TAMM41: variants seen among roughly 807,000 people sequenced by gnomAD.
TAMM41 encodes TAM41 mitochondrial translocator assembly and maintenance homolog, also known as phosphatidate cytidylyltransferase, mitochondrial.
TAMM41 carries 36 observed loss-of-function variants against 44.1 expected under a neutral mutation model. That is an observed-to-expected ratio of 0.82 (90% confidence interval 0.63 to 1.08). The LOEUF is 1.08. TAMM41 is among the 50% of genes least tolerant of loss of function. The pLI is 0.00. For missense variants in TAMM41, 417 were observed against 404.3 expected, an observed-to-expected ratio of 1.03 and a Z score of -0.27; for synonymous variants, 164 against 153.1, an observed-to-expected ratio of 1.07 and a Z score of -0.53.
At chr3:11,779,721 T>G in the TAMM41 span, among the ~76,000 whole-genome samples, 1 of 152,206 alleles carries the variant, frequency 6.6e-6, no homozygotes, top group African/African-American at 2.4e-5. Context: ...ATCTATTAGC[T>G]GCCAATTCTC....
chr3:11,805,564 G>A (rs66512110), intron 7 of TAMM41, among the ~76,000 whole-genome samples: 1,628 of 152,272 alleles, frequency 0.011, 15 homozygotes, highest in South Asian at 0.022. Flanking sequence ...GAGCCACCAT[G>A]CCTGGCCTTG....
the TAMM41 span, among the ~76,000 whole-genome samples, chr3:11,774,759 T>G: frequency 3.9e-5 from 6 of 152,116 alleles, no homozygotes; most frequent in African/African-American, 1.4e-4. Flanking sequence ...CAACTTCACA[T>G]AGAAGAAGGA....
At chr3:11,752,728 T>C in the TAMM41 span, among the ~76,000 whole-genome samples, 1 of 142,776 alleles carries the variant, frequency 7.0e-6, no homozygotes, top group Non-Finnish European at 1.5e-5. Flanking sequence ...CAGCCTCCAA[T>C]TGCTGGGCTC....
At chr3:11,815,708 G>C (rs1345896166) in intron 5 of TAMM41, among the ~76,000 whole-genome samples, 2 of 151,588 alleles carry the variant, frequency 1.3e-5, no homozygotes, top group Non-Finnish European at 1.5e-5. Flanking sequence ...TATAAGAATT[G>C]ATGGGGTAGT....
At chr3:11,823,548 C>T (rs947407327) in intron 4 of TAMM41, among the ~76,000 whole-genome samples, 7 of 152,036 alleles carry the variant, frequency 4.6e-5, no homozygotes, top group African/African-American at 7.2e-5. Context: ...TGAGCCACTG[C>T]GCCCGGCCTT....
intron 7 of TAMM41, among the ~76,000 whole-genome samples, chr3:11,792,584 G>A (rs547359882): frequency 6.6e-5 from 10 of 152,174 alleles, no homozygotes; most frequent in Non-Finnish European, 1.3e-4. Context: ...AGAACCAACA[G>A]ATCAGAATGA....
At chr3:11,844,448 G>A (rs1371204563) in intron 1 of TAMM41, among the ~76,000 whole-genome samples, 1 of 152,160 alleles carries the variant, frequency 6.6e-6, no homozygotes, top group African/African-American at 2.4e-5. Flanking sequence ...AACACTTTAT[G>A]GGTAACATAC....
At chr3:11,751,453 C>T in the TAMM41 span, among the ~76,000 whole-genome samples, 17 of 152,126 alleles carry the variant, frequency 1.1e-4, no homozygotes, top group African/African-American at 2.2e-4. Flanking sequence ...TGATTTGGCC[C>T]CACGAATAGC....
the TAMM41 span, among the ~76,000 whole-genome samples, chr3:11,750,325 G>A: frequency 6.6e-6 from 1 of 151,944 alleles, no homozygotes; most frequent in East Asian, 1.9e-4. Context: ...ACCATTGAGG[G>A]ACAGGGCCTT....
rs532068131 is a variant in TAMM41, at chr3:11,829,101, T to C, written c.562+613A>G. Among the ~76,000 whole-genome samples, 5 of 152,288 alleles carry C rather than the reference T, an allele frequency of 3.3e-5. No homozygotes were observed. In the East Asian group the frequency reaches 7.7e-4, roughly 24 times the overall value. Reference sequence around the variant, plus strand: ...AGTTGTCTCAGTTTGGGACATAATATGTGTGACCTACCCTCAAACAGTTTA... The same window carrying C: ...AGTTGTCTCAGTTTGGGACATAATACGTGTGACCTACCCTCAAACAGTTTA... On this transcript the variant is annotated intron_variant, in intron 4 of 7. Coordinates refer to ENST00000455809, the MANE Select transcript of TAMM41 (RefSeq NM_001284401.2).
the TAMM41 span, among the ~76,000 whole-genome samples, chr3:11,727,066 C>G: frequency 4.6e-5 from 7 of 152,186 alleles, no homozygotes; most frequent in African/African-American, 1.7e-4. Context: ...GGAGCACTCA[C>G]TATGTTTCAG....
chr3:11,725,123 CCTCCTCTTCTCCTCT>C, the TAMM41 span: 2 of 149,608 alleles, frequency 1.3e-5, no homozygotes, highest in South Asian at 2.2e-4. Context: ...CCCTCCTCCC[CCTCCTCTTCTCCTCT>C]CTCCTCTTCT....
Position 11,846,678 on chromosome 3 carries a change from G to A in TAMM41, c.-42C>T, listed in dbSNP as rs11551660. On this transcript the variant is annotated 5_prime_UTR_variant, in exon 1 of 8. Transcript: ENST00000455809. Reference sequence around the variant, plus strand: ...GGGGACACTCAGCGCAGCAGGGCGAGGACAACCGGGCGGGGAACAGACACC... The same window carrying A: ...GGGGACACTCAGCGCAGCAGGGCGAAGACAACCGGGCGGGGAACAGACACC... 1 of 1,613,106 alleles carries A rather than the reference G, an allele frequency of 6.2e-7. No homozygotes were observed. Among genetic ancestry groups the A allele is most frequent in the Non-Finnish European group, 8.5e-7 (1 of 1,179,498 alleles).
chr3:11,774,757 C>T, the TAMM41 span, among the ~76,000 whole-genome samples: 1 of 152,258 alleles, frequency 6.6e-6, no homozygotes, highest in Middle Eastern at 3.4e-3. Context: ...TGCAACTTCA[C>T]ATAGAAGAAG....
chr3:11,804,075 A>T (rs1447869476), intron 7 of TAMM41, among the ~76,000 whole-genome samples: 2 of 152,170 alleles, frequency 1.3e-5, no homozygotes, highest in African/African-American at 4.8e-5. Flanking sequence ...TTAAAAATTA[A>T]AAAGAAAAAA....
At chr3:11,792,924 G>A (rs937214736) in intron 7 of TAMM41, among the ~76,000 whole-genome samples, 4 of 152,062 alleles carry the variant, frequency 2.6e-5, no homozygotes, top group Non-Finnish European at 5.9e-5. Flanking sequence ...AGCCAGGCGT[G>A]GTGGCATGTG....
the TAMM41 span, among the ~76,000 whole-genome samples, chr3:11,769,600 T>C: frequency 6.6e-6 from 1 of 152,218 alleles, no homozygotes; most frequent in African/African-American, 2.4e-5. Context: ...TGTGTTCTAA[T>C]GCACATGTAT....
chr3:11,818,552 A>C (rs2078377209), intron 4 of TAMM41, among the ~76,000 whole-genome samples: 1 of 152,174 alleles, frequency 6.6e-6, no homozygotes, highest in South Asian at 2.1e-4. Flanking sequence ...TCAAAGGACC[A>C]ACTTACACTA....
the TAMM41 span, among the ~76,000 whole-genome samples, chr3:11,744,869 A>ATTT: frequency 6.8e-6 from 1 of 148,052 alleles, no homozygotes; most frequent in African/African-American, 2.5e-5. Flanking sequence ...TCTACAGGTA[A>ATTT]TTTTTTTTTT....
Sources: gnomAD v4.1 joint callset for allele counts (sites outside exome capture counted in the v4.1 genomes callset) on GRCh38, gnomAD v4.1.1 for gene constraint, MANE v1.5 for transcripts, NCBI Gene and HGNC (gene_info 2026-07-23, HGNC 2026-07-21) for gene names.